ADARB2: variants seen among roughly 807,000 people sequenced by gnomAD.
ADARB2 encodes inactive double-stranded RNA-specific editase B2.
In ADARB2, 25 loss-of-function variants were observed where a neutral mutation model predicts 62.2. That is an observed-to-expected ratio of 0.40 (90% CI 0.29 to 0.56). The LOEUF is 0.56. Among genes scored for constraint, ADARB2 ranks in the 20% least tolerant of loss-of-function variants. ADARB2 has a pLI of 0.43. For missense variants in ADARB2, 1,071 were observed against 1,077.4 expected, an observed-to-expected ratio of 0.99 and a Z score of 0.08; for synonymous variants, 572 against 500.8, an observed-to-expected ratio of 1.14 and a Z score of -1.90.
intron 1 of ADARB2, among the ~76,000 whole-genome samples, chr10:1,433,042 A>G (rs917847431): frequency 2.6e-5 from 4 of 151,992 alleles, no homozygotes; most frequent in African/African-American, 4.8e-5. Flanking sequence ...AAAATCTCCC[A>G]TTTTCTAAAA....
intron 1 of ADARB2, among the ~76,000 whole-genome samples, chr10:1,420,694 A>C (rs1453845185): frequency 6.6e-6 from 1 of 151,486 alleles, no homozygotes; most frequent in Non-Finnish European, 1.5e-5. Context: ...GCTGACAGAG[A>C]GGGAGCCGCT....
At position 1,480,494 on chromosome 10, in the gene ADARB2, T is replaced by C. The variant is rs563795982; in HGVS notation, c.101-101334A>G. Among the ~76,000 whole-genome samples the C allele has an allele frequency of 1.2e-4, 18 of 152,274 alleles. No homozygotes were observed. The East Asian group carries it at 1.4e-3, about 11-fold the overall frequency. Reference sequence around the variant, plus strand: ...CGGGCGGGTCACTAGGTCAGGAGATTGAGACCATCCTGGCTAACATGGTGA... The same window carrying C: ...CGGGCGGGTCACTAGGTCAGGAGATCGAGACCATCCTGGCTAACATGGTGA... On this transcript the variant is annotated intron_variant, in intron 1 of 9. Coordinates refer to ENST00000381312, the MANE Select transcript of ADARB2 (RefSeq NM_018702.4).
intron 1 of ADARB2, among the ~76,000 whole-genome samples, chr10:1,591,436 C>A (rs965058885): frequency 7.9e-5 from 12 of 152,206 alleles, no homozygotes; most frequent in African/African-American, 2.9e-4. Flanking sequence ...TTGGCGAATG[C>A]CTGGACCCAA....
At chr10:1,546,732 G>A (rs1456782904) in intron 1 of ADARB2, among the ~76,000 whole-genome samples, 1 of 152,248 alleles carries the variant, frequency 6.6e-6, no homozygotes, top group Non-Finnish European at 1.5e-5. Flanking sequence ...GGCAAAGGGT[G>A]AAAACAACGC....
At position 1,460,894 on chromosome 10, in the gene ADARB2, G is replaced by A. The variant is rs569096114; in HGVS notation, c.101-81734C>T. ...CTGCCTGTGACCTGAGTTTACCTGC[G>A]TTACGAACCTGCCTGTGACCTGAGT... On this transcript the variant is annotated intron_variant, in intron 1 of 9. Transcript: ENST00000381312. Among the ~76,000 whole-genome samples the A allele has an allele frequency of 2.2e-4, 24 of 109,420 alleles. 2 individuals carry two copies. Among genetic ancestry groups the A allele is most frequent in the Non-Finnish European group, 3.8e-4 (19 of 49,576 alleles). 71.8% of individuals were successfully genotyped at this position (109,420 alleles called of 152,430 possible).
rs1564312626 is a variant in ADARB2 at position 1,510,152 on chromosome 10, CTTTCTTTCTT to C, written c.101-131002_101-130993del. On this transcript the variant is annotated intron_variant, in intron 1 of 9. Coordinates refer to ENST00000381312, the MANE Select transcript of ADARB2 (RefSeq NM_018702.4). The stretch of plus-strand genomic sequence containing the variant: ...TCTTTCTTTCTTTCTTTCTTTCTTT[CTTTCTTTCTT>C]TCTTTCTTTTTCTTTCTTTCTTTTT... 2.1e-3 allele frequency among the ~76,000 whole-genome samples: 261 copies of C among 121,426 alleles called. 3 individuals carry two copies. Among genetic ancestry groups the C allele is most frequent in the African/African-American group, 7.9e-3 (245 of 31,104 alleles). The allele number at this position is 121,426 out of a possible 152,430, so 79.7% of individuals were successfully genotyped here. A position where few individuals can be genotyped will look rare whatever the true frequency, so the allele number is the denominator to read the frequency against.
At chr10:1,448,753 C>T (rs904713673) in intron 1 of ADARB2, among the ~76,000 whole-genome samples, 2 of 152,152 alleles carry the variant, frequency 1.3e-5, no homozygotes, top group Non-Finnish European at 2.9e-5. Flanking sequence ...GGAAAGGAAA[C>T]CGTGCTTGGT....
At chr10:1,503,953 C>G (rs968747821) in intron 1 of ADARB2, among the ~76,000 whole-genome samples, 2 of 152,192 alleles carry the variant, frequency 1.3e-5, no homozygotes, top group African/African-American at 4.8e-5. Context: ...ATTTAAACCT[C>G]TTTTCTTTAT....
At position 1,363,082 on chromosome 10, in the gene ADARB2, G is replaced by T. The variant is rs768631166; in HGVS notation, c.1023C>A (p.Asp341Glu). The T allele has an allele frequency of 6.8e-7, 1 of 1,477,790 alleles. No individual in the cohort carries two copies. Among genetic ancestry groups the T allele is most frequent in the Admixed American group, 2.3e-5 (1 of 42,726 alleles). The allele number at this position is 1,477,790 out of a possible 1,614,324, so 91.5% of individuals were successfully genotyped here. A position where few individuals can be genotyped will look rare whatever the true frequency, so the allele number is the denominator to read the frequency against. The change falls in exon 3 of 10, where the codon GAC (aspartate) becomes GAA (glutamate). Residue 341 changes from aspartate to glutamate, a missense_variant. Physicochemically the swap from Asp to Glu is conservative, Grantham distance 45 (BLOSUM62 2). Transcript: ENST00000381312. ...AAQAALQELF[D>E]IQMPGHAPGR... ...CGGGCGCGTGGCCGGGCATCTGGATGTCGAACAGCTCCTGCAGTGCGGCCT... is the reference window on the plus strand; with the variant it reads ...CGGGCGCGTGGCCGGGCATCTGGATTTCGAACAGCTCCTGCAGTGCGGCCT...
chr10:1,459,867 C>T (rs1315670798), intron 1 of ADARB2, among the ~76,000 whole-genome samples: 8 of 152,224 alleles, frequency 5.3e-5, no homozygotes, highest in Non-Finnish European at 8.8e-5. Context: ...GGAAAAATAA[C>T]GAATGTGCAT....
At chr10:1,559,993 G>A (rs1479279719) in intron 1 of ADARB2, among the ~76,000 whole-genome samples, 2 of 152,158 alleles carry the variant, frequency 1.3e-5, no homozygotes, top group Non-Finnish European at 1.5e-5. Context: ...CTGCGTGGAC[G>A]GCAGGTGAAA....
At chr10:1,675,914 T>TCCG (rs1435061576) in intron 1 of ADARB2, 47 of 830,924 alleles carry the variant, frequency 5.7e-5, no homozygotes, top group Non-Finnish European at 1.0e-5. Context: ...GCTGCAGAGG[T>TCCG]CCGCGTGGGT....
At chr10:1,191,936 T>G (rs750829628) in intron 8 of ADARB2, among the ~76,000 whole-genome samples, 5 of 151,886 alleles carry the variant, frequency 3.3e-5, no homozygotes, top group Non-Finnish European at 5.9e-5. Context: ...CAGCACTGCT[T>G]CAACTACCAC....
At chr10:1,241,823 G>T (rs1830927412) in intron 5 of ADARB2, among the ~76,000 whole-genome samples, 1 of 152,214 alleles carries the variant, frequency 6.6e-6, no homozygotes, top group Non-Finnish European at 1.5e-5. Context: ...GGAATGTGGG[G>T]GGCATGGGGA....
chr10:1,693,804 G>C (rs1313894770), intron 1 of ADARB2, among the ~76,000 whole-genome samples: 1 of 152,170 alleles, frequency 6.6e-6, no homozygotes, highest in Non-Finnish European at 1.5e-5. Flanking sequence ...TAGTTATATT[G>C]AGGAAACATA....
chr10:1,430,970 G>A (rs1830772185), intron 1 of ADARB2, among the ~76,000 whole-genome samples: 3 of 152,156 alleles, frequency 2.0e-5, no homozygotes, highest in East Asian at 1.9e-4. Context: ...GTTACCTTGG[G>A]GTCTGTCAAC....
chr10:1,308,377 A>G (rs1425374804), intron 3 of ADARB2, among the ~76,000 whole-genome samples: 1 of 152,184 alleles, frequency 6.6e-6, no homozygotes, highest in Non-Finnish European at 1.5e-5. Flanking sequence ...TGGATGGATG[A>G]GAGTTTGTGT....
chr10:1,477,450 G>A lies in ADARB2; in HGVS notation c.101-98290C>T, dbSNP rs1053877249. ...CTTCCAGCCCTGCTTCTTTGCAGAC[G>A]GCCCCTTTTCTGCTGTGCTGCCCAT... On this transcript the variant is annotated intron_variant, in intron 1 of 9. Coordinates refer to ENST00000381312, the MANE Select transcript of ADARB2 (RefSeq NM_018702.4). The surrounding 1 kb of genome is among the most constrained non-coding windows in gnomAD (Gnocchi z 4.5). Among the ~76,000 whole-genome samples the A allele has an allele frequency of 2.6e-5, 4 of 151,954 alleles. No individual in the cohort carries two copies. The highest frequency in any genetic ancestry group is 7.3e-5 in the African/African-American group (3 of 41,374).
At chr10:1,467,633 A>C (rs1370584147) in intron 1 of ADARB2, among the ~76,000 whole-genome samples, 1 of 152,204 alleles carries the variant, frequency 6.6e-6, no homozygotes, top group Non-Finnish European at 1.5e-5. Flanking sequence ...GCACACACGG[A>C]CTATTAACTG....
Sources: gnomAD v4.1 joint callset for allele counts (sites outside exome capture counted in the v4.1 genomes callset) on GRCh38, gnomAD v4.1.1 for gene constraint, Gnocchi (gnomAD v3.1) non-coding constraint, MANE v1.5 for transcripts, NCBI Gene and HGNC (gene_info 2026-07-23, HGNC 2026-07-21) for gene names.